MYBPC1: variants seen among roughly 807,000 people sequenced by gnomAD.
The protein encoded by MYBPC1 is myosin-binding protein C, slow-type.
A neutral mutation model predicts 147.1 loss-of-function variants in MYBPC1; 52 were observed. That is an observed-to-expected ratio of 0.35 (90% confidence interval 0.28 to 0.45). The LOEUF is 0.45. Ranked by LOEUF, MYBPC1 falls within the 20% of genes least tolerant of loss-of-function variation. The pLI is 1.00. For synonymous variants in MYBPC1, 477 were observed against 475.9 expected, an observed-to-expected ratio of 1.00 and a Z score of -0.03; for missense variants, 1,228 against 1,440.3, an observed-to-expected ratio of 0.85 and a Z score of 2.39.
Position 101,614,454 on chromosome 12 carries a change from G to T in MYBPC1, c.26-42G>T, listed in dbSNP as rs1222993492. ...GCTGTAGAAAGCAGTTCTTCTCTGTGATAAATGAGCCTGACATTTCCATGA... is the reference window on the plus strand; with the variant it reads ...GCTGTAGAAAGCAGTTCTTCTCTGTTATAAATGAGCCTGACATTTCCATGA... On this transcript the variant is annotated intron_variant, in intron 1 of 31. Coordinates refer to ENST00000361466, the MANE Select transcript of MYBPC1 (RefSeq NM_002465.4). 4 of 1,612,426 alleles carry T rather than the reference G, an allele frequency of 2.5e-6. No homozygotes were observed. In the South Asian group the frequency reaches 4.4e-5, roughly 18 times the overall value.
Position 101,663,426 on chromosome 12 carries a change from C to A in MYBPC1, c.2222C>A (p.Ala741Asp), listed in dbSNP as rs747874182. 10 of 1,612,956 alleles carry A rather than the reference C, an allele frequency of 6.2e-6. No individual in the cohort carries two copies. Among genetic ancestry groups the A allele is most frequent in the Middle Eastern group, 1.6e-4 (1 of 6,062 alleles). Residue 741 changes from alanine to aspartate, a missense_variant and splice_region_variant, in exon 22 of 32, where the codon GCT becomes GAT. Ala to Asp is a moderately radical substitution (Grantham distance 126). Coordinates refer to ENST00000361466, the MANE Select transcript of MYBPC1 (RefSeq NM_002465.4). ...SMPSRPFVPL[A>D]VTSPPTLLTV... The stretch of plus-strand genomic sequence containing the variant: ...CTTTTCTGTCTCTTTTATCTTTAAG[C>A]TGTAACAAGCCCTCCTACTCTTCTG...
At chr12:101,650,232 G>A (rs992312847) in intron 15 of MYBPC1, among the ~76,000 whole-genome samples, 7 of 152,174 alleles carry the variant, frequency 4.6e-5, no homozygotes, top group African/African-American at 1.7e-4. Context: ...ATTATGCTAT[G>A]CAAAGTCATG....
intron 1 of MYBPC1, among the ~76,000 whole-genome samples, chr12:101,600,092 C>A (rs1879249493): frequency 6.6e-6 from 1 of 152,168 alleles, no homozygotes; most frequent in African/African-American, 2.4e-5. Context: ...TTACTTCTCA[C>A]CCAGTAAATC....
At chr12:101,680,821 G>A (rs1950891334) in intron 29 of MYBPC1, among the ~76,000 whole-genome samples, 1 of 152,154 alleles carries the variant, frequency 6.6e-6, no homozygotes, top group South Asian at 2.1e-4. Flanking sequence ...ATGTTAGTGT[G>A]TGTACAGCAT....
Position 101,677,255 on chromosome 12 carries a change from G to A in MYBPC1, c.2970G>A (p.Glu990=), listed in dbSNP as rs745859930. The A allele has an allele frequency of 5.6e-6, 9 of 1,613,376 alleles. No homozygotes were observed. Among genetic ancestry groups the A allele is most frequent in the Non-Finnish European group, 5.1e-6 (6 of 1,179,606 alleles). Residue 990 remains glutamate, a synonymous_variant, in exon 27 of 32, where the codon GAG becomes GAA. Transcript: ENST00000361466. ...TTTAGGAATGGTTTACTGTCATTGA[G>A]CATTATCATCGAACCAGTGCCACCA... is the stretch of plus-strand genomic sequence containing the variant. ...KKSMEWFTVI[E]HYHRTSATIT...
At chr12:101,665,275 T>C (rs1342127985) in intron 22 of MYBPC1, among the ~76,000 whole-genome samples, 1 of 152,220 alleles carries the variant, frequency 6.6e-6, no homozygotes, top group Non-Finnish European at 1.5e-5. Context: ...ATGGGAGTTC[T>C]CTCACAACGT....
chr12:101,610,981 TCA>T (rs1389948694), intron 1 of MYBPC1, among the ~76,000 whole-genome samples: 5 of 152,214 alleles, frequency 3.3e-5, no homozygotes, highest in Non-Finnish European at 7.3e-5. Context: ...AGTACTGATT[TCA>T]CAGAGTTGTA....
At chr12:101,614,157 G>A (rs73386350) in intron 1 of MYBPC1, among the ~76,000 whole-genome samples, 14,069 of 152,086 alleles carry the variant, frequency 0.093, 1,907 homozygotes, top group African/African-American at 0.3. Context: ...GTAAATGCCC[G>A]GCCTGCCTCT....
intron 3 of MYBPC1, among the ~76,000 whole-genome samples, chr12:101,624,840 A>G (rs1198877054): frequency 1.3e-5 from 2 of 152,084 alleles, no homozygotes; most frequent in African/African-American, 2.4e-5. Context: ...TCAGATAACA[A>G]CAAATGCTCT....
At chr12:101,609,887 C>T (rs747547964) in intron 1 of MYBPC1, among the ~76,000 whole-genome samples, 2 of 152,162 alleles carry the variant, frequency 1.3e-5, no homozygotes, top group Non-Finnish European at 2.9e-5. Context: ...TGCCTATGGT[C>T]CCTATTCAGT....
intron 23 of MYBPC1, among the ~76,000 whole-genome samples, chr12:101,668,744 C>A (rs981251324): frequency 6.6e-6 from 1 of 152,096 alleles, no homozygotes; most frequent in Non-Finnish European, 1.5e-5. Context: ...GGATTACAGG[C>A]GTGAGCCACC....
In MYBPC1 at chr12:101,648,189, C is replaced by CA. The variant is rs3834936; in HGVS notation, c.1196+46dup. 821,775 of 1,455,404 alleles carry CA rather than the reference C, an allele frequency of 0.56. 238,244 individuals carry two copies. Among genetic ancestry groups the CA allele is most frequent in the African/African-American group, 0.79 (56,267 of 70,922 alleles). 90.2% of individuals were successfully genotyped at this position (1,455,404 alleles called of 1,614,324 possible). ...ATGAAGTCTGTCCATGTTTAATAGACAAAAAAATTGGACCTTCATAGTTGA... is the reference window on the plus strand; with the variant it reads ...ATGAAGTCTGTCCATGTTTAATAGACAAAAAAAATTGGACCTTCATAGTTGA... On this transcript the variant is annotated intron_variant, in intron 14 of 31. Coordinates refer to ENST00000361466, the MANE Select transcript of MYBPC1 (RefSeq NM_002465.4).
chr12:101,635,255 G>C (rs776665367), intron 9 of MYBPC1, among the ~76,000 whole-genome samples: 1 of 152,064 alleles, frequency 6.6e-6, no homozygotes, highest in African/African-American at 2.4e-5. Flanking sequence ...GCCCCTTCCT[G>C]TCATTATGTT....
intron 1 of MYBPC1, among the ~76,000 whole-genome samples, chr12:101,606,836 T>G (rs2135675688): frequency 6.6e-6 from 1 of 152,222 alleles, no homozygotes; most frequent in South Asian, 2.1e-4. Context: ...GTTTTTTGTT[T>G]CTTTGTTTTG....
chr12:101,670,263 A>G (rs2136648585), intron 23 of MYBPC1, 58 bp from the exon 24 acceptor site: 1 of 1,427,530 alleles, frequency 7.0e-7, no homozygotes, highest in East Asian at 2.3e-5. Context: ...TTGCTTTTGT[A>G]AGGCTATTTT....
At chr12:101,644,905 A>T in intron 12 of MYBPC1, 109 bp downstream of exon 12, 1 of 1,096,196 alleles carries the variant, frequency 9.1e-7, no homozygotes, top group African/African-American at 1.6e-5. Context: ...CATAATACAA[A>T]ATCATATGGA....
Position 101,632,009 on chromosome 12 carries a change from A to G in MYBPC1, c.439-12A>G. On this transcript the variant is annotated splice_polypyrimidine_tract_variant and intron_variant, in intron 7 of 31. Coordinates refer to ENST00000361466, the MANE Select transcript of MYBPC1 (RefSeq NM_002465.4). ...AACTGAAATGTGTGTGTCTGGATGC[A>G]TTTCATTGCAGGTGTACACATTTGA... 1 of 1,587,376 alleles carries G rather than the reference A, an allele frequency of 6.3e-7. No homozygotes were observed.
rs893071190 is a variant in MYBPC1, at chr12:101,678,230, A to T, written c.3238A>T (p.Asn1080Tyr). The T allele has an allele frequency of 2.5e-6, 4 of 1,614,010 alleles. No homozygotes were observed. Among genetic ancestry groups the T allele is most frequent in the Non-Finnish European group, 2.5e-6 (3 of 1,179,962 alleles). Residue 1080 changes from asparagine (N) to tyrosine (Y), a missense_variant, in exon 28 of 32, where the codon AAT becomes TAT. Around this residue, in one of 2 missense-constraint regions of MYBPC1, gnomAD observed 1,077 missense variants for 1,314.2 expected, o/e 0.82. Coordinates refer to ENST00000361466, the MANE Select transcript of MYBPC1 (RefSeq NM_002465.4). Reference protein sequence around the residue: ...NATLNCSVRGNPKPKITWMKN... With the variant: ...NATLNCSVRGYPKPKITWMKN... ...CACCCTAAACTGCAGTGTGAGAGGA[A>T]ATCCTAAGGTACCATGTTCTTCTAT...
intron 21 of MYBPC1, 61 bp from the exon 22 acceptor site, chr12:101,663,365 G>A: frequency 6.9e-7 from 1 of 1,447,472 alleles, no homozygotes. Flanking sequence ...TTTTATCACA[G>A]TTCCTGCACT....
Sources: gnomAD v4.1 joint callset for allele counts (sites outside exome capture counted in the v4.1 genomes callset) on GRCh38, gnomAD v4.1.1 for gene constraint, gnomAD v4.1.1 regional missense constraint, MANE v1.5 for transcripts, NCBI Gene and HGNC (gene_info 2026-07-23, HGNC 2026-07-21) for gene names.